Variants in LRRIQ1 observed in about 807,000 individuals in gnomAD.
The protein encoded by LRRIQ1 is leucine-rich repeat- and IQ domain-containing protein 1.
LRRIQ1 carries 210 observed loss-of-function variants against 211.9 expected under a neutral mutation model. That is an observed-to-expected ratio of 0.99 (90% confidence interval 0.89 to 1.11). LRRIQ1 has a LOEUF of 1.11. Among genes scored for constraint, LRRIQ1 ranks in the 50% most tolerant of loss-of-function variants. LRRIQ1 has a pLI of 0.00. For synonymous variants in LRRIQ1, 699 were observed against 650.1 expected (o/e 1.08, Z -1.14); for missense variants, 2,136 against 1,939.5 (o/e 1.10, Z -1.90).
intron 26 of LRRIQ1, among the ~76,000 whole-genome samples, chr12:85,235,606 CAG>C (rs1054100936): frequency 6.6e-6 from 1 of 152,112 alleles, no homozygotes; most frequent in Non-Finnish European, 1.5e-5. Context: ...GGATAATTTC[CAG>C]AGAGGGATTT....
intron 24 of LRRIQ1, among the ~76,000 whole-genome samples, chr12:85,177,146 A>C (rs911223741): frequency 6.6e-6 from 1 of 152,150 alleles, no homozygotes; most frequent in African/African-American, 2.4e-5. Flanking sequence ...TACAAGAATG[A>C]GCTCACCTTT....
At chr12:85,197,555 A>T (rs1051591770) in intron 24 of LRRIQ1, among the ~76,000 whole-genome samples, 1 of 151,156 alleles carries the variant, frequency 6.6e-6, no homozygotes, top group African/African-American at 2.4e-5. Context: ...GGAAATCATC[A>T]TTCTCAGTAA....
chr12:85,221,685 TG>T (rs761621890), intron 24 of LRRIQ1, among the ~76,000 whole-genome samples: 2 of 152,128 alleles, frequency 1.3e-5, no homozygotes, highest in Non-Finnish European at 2.9e-5. Flanking sequence ...CAAAGGTCTG[TG>T]GGCAAAAGAG....
intron 24 of LRRIQ1, among the ~76,000 whole-genome samples, chr12:85,211,792 G>A (rs1184803040): frequency 1.3e-5 from 2 of 151,954 alleles, no homozygotes; most frequent in Non-Finnish European, 2.9e-5. Flanking sequence ...TATTAAACTT[G>A]GATCATTCAT....
chr12:85,272,797 A>C, the LRRIQ1 span, among the ~76,000 whole-genome samples: 1 of 152,182 alleles, frequency 6.6e-6, no homozygotes, highest in Admixed American at 6.5e-5. Flanking sequence ...GGAAACTGAA[A>C]GATGATGTAA....
chr12:85,103,962 T>C (rs1290968794), intron 13 of LRRIQ1, 42 bp from the exon 14 acceptor site: 2 of 1,245,552 alleles, frequency 1.6e-6, no homozygotes, highest in South Asian at 2.7e-5. Flanking sequence ...TTAAGGACTT[T>C]CCAATTTAGA....
chr12:85,194,604 A>T (rs1389994615), intron 24 of LRRIQ1, among the ~76,000 whole-genome samples: 1 of 151,860 alleles, frequency 6.6e-6, no homozygotes, highest in East Asian at 1.9e-4. Flanking sequence ...AGGCAGAAAT[A>T]AAGATGTTCT....
chr12:85,140,321 C>T (rs1220172165), intron 19 of LRRIQ1, among the ~76,000 whole-genome samples: 1 of 151,038 alleles, frequency 6.6e-6, no homozygotes. Flanking sequence ...ATATTCAAAG[C>T]GTTTTGGAAT....
chr12:85,260,129 T>TAAAAAA (rs34282611), intron 1 of LRRIQ1, among the ~76,000 whole-genome samples: 3 of 115,586 alleles, frequency 2.6e-5, no homozygotes, highest in Non-Finnish European at 3.5e-5. Flanking sequence ...TCATGTTGGT[T>TAAAAAA]AAAAAAAAAA....
At chr12:85,102,705 TTTG>T (rs145747725) in intron 13 of LRRIQ1, among the ~76,000 whole-genome samples, 7 of 150,848 alleles carry the variant, frequency 4.6e-5, no homozygotes, top group African/African-American at 2.4e-5. Flanking sequence ...AATAAGAGAT[TTTG>T]TTGTTGTTGT....
intron 24 of LRRIQ1, among the ~76,000 whole-genome samples, chr12:85,225,647 ATTG>A (rs1232868951): frequency 6.6e-6 from 1 of 152,156 alleles, no homozygotes; most frequent in Non-Finnish European, 1.5e-5. Context: ...AATATAGGGA[ATTG>A]ATGATGCAAG....
chr12:85,063,911 C>A (rs1882133863), intron 8 of LRRIQ1, among the ~76,000 whole-genome samples: 2 of 151,706 alleles, frequency 1.3e-5, no homozygotes, highest in Non-Finnish European at 2.9e-5. Context: ...TGTATATGTA[C>A]CACTTTTTCT....
chr12:85,243,855 C>G (rs997462276), intron 26 of LRRIQ1, among the ~76,000 whole-genome samples: 16 of 151,436 alleles, frequency 1.1e-4, no homozygotes, highest in African/African-American at 3.9e-4. Flanking sequence ...CTCCTTGAGT[C>G]TTTGTGGCTC....
downstream of LRRIQ1, among the ~76,000 whole-genome samples, chr12:85,248,966 A>T (rs1224520951): frequency 6.6e-6 from 1 of 151,798 alleles, no homozygotes; most frequent in African/African-American, 2.4e-5. Flanking sequence ...GTAAAGTAGA[A>T]GACTTGAAAT....
downstream of LRRIQ1, among the ~76,000 whole-genome samples, chr12:85,269,016 A>C (rs1403464312): frequency 6.6e-6 from 1 of 152,002 alleles, no homozygotes; most frequent in East Asian, 1.9e-4. Flanking sequence ...CTGACATTGA[A>C]GGATGAATTA....
intron 24 of LRRIQ1, among the ~76,000 whole-genome samples, chr12:85,192,660 A>T (rs1326632415): frequency 0.024 from 1,328 of 55,690 alleles, 238 homozygotes; most frequent in African/African-American, 0.12. Flanking sequence ...TATAATTATA[A>T]ATATATAGTT....
intron 23 of LRRIQ1, among the ~76,000 whole-genome samples, chr12:85,158,100 T>C (rs1890657636): frequency 6.6e-6 from 1 of 151,922 alleles, no homozygotes; most frequent in South Asian, 2.1e-4. Context: ...GTTACTGTGT[T>C]ATGCTCTCAA....
At chr12:85,262,155 G>A (rs915536177) in intron 1 of LRRIQ1, among the ~76,000 whole-genome samples, 1 of 152,028 alleles carries the variant, frequency 6.6e-6, no homozygotes, top group Admixed American at 6.6e-5. Flanking sequence ...CTGAATCCAC[G>A]AACTATTCTT....
chr12:85,044,901 C>T, intron 4 of LRRIQ1, 92 bp downstream of exon 4: 10 of 507,404 alleles, frequency 2.0e-5, no homozygotes, highest in Non-Finnish European at 3.5e-5. Context: ...ATTTTAAGTT[C>T]ACTGATTTAA....
Sources: gnomAD v4.1 joint callset for allele counts (sites outside exome capture counted in the v4.1 genomes callset) on GRCh38, gnomAD v4.1.1 for gene constraint, MANE v1.5 for transcripts, NCBI Gene and HGNC (gene_info 2026-07-23, HGNC 2026-07-21) for gene names.